Variants in DYRK1A observed in about 807,000 individuals in gnomAD.
DYRK1A encodes the protein dual specificity tyrosine-phosphorylation-regulated kinase 1A.
Under a neutral mutation model 79.7 loss-of-function variants are expected in DYRK1A, and 9 were observed. The observed-to-expected ratio is 0.11, with a 90% CI of 0.07 to 0.20. The LOEUF is 0.20. DYRK1A is among the 10% of genes least tolerant of loss of function. The pLI is 1.00. For synonymous variants in DYRK1A, 349 were observed against 329.7 expected (o/e 1.06, Z -0.63); for missense variants, 622 against 956.0 (o/e 0.65, Z 4.61).
Position 37,515,323 on chromosome 21 carries a change from A to C in DYRK1A, c.*2792A>C, listed in dbSNP as rs2053866890. 1 of 152,688 alleles carries C rather than the reference A, an allele frequency of 6.5e-6. No homozygotes were observed. Among genetic ancestry groups the C allele is most frequent in the Non-Finnish European group, 1.5e-5 (1 of 68,048 alleles). The allele number at this position is 152,688 out of a possible 1,614,324, so 9.5% of individuals were successfully genotyped here. The stretch of plus-strand genomic sequence containing the variant: ...GTGTAAAAAGGAAACTATTTGAGAT[A>C]CATTGACATAGGCATCAGCAATCTC... On this transcript the variant is annotated 3_prime_UTR_variant, in exon 12 of 12. Coordinates refer to ENST00000647188, the MANE Select transcript of DYRK1A (RefSeq NM_001347721.2).
At chr21:37,374,518 C>T (rs1171922242) in intron 1 of DYRK1A, among the ~76,000 whole-genome samples, 3 of 151,796 alleles carry the variant, frequency 2.0e-5, no homozygotes, top group African/African-American at 7.3e-5. Flanking sequence ...GCTCAGATGC[C>T]TCTCTTTCTG....
chr21:37,448,075 T>A (rs2051329501), intron 2 of DYRK1A, among the ~76,000 whole-genome samples: 1 of 152,204 alleles, frequency 6.6e-6, no homozygotes, highest in African/African-American at 2.4e-5. Context: ...ATCTGCTATA[T>A]TTTAGACCAT....
At chr21:37,392,758 C>T (rs999052555) in intron 1 of DYRK1A, among the ~76,000 whole-genome samples, 8 of 152,198 alleles carry the variant, frequency 5.3e-5, no homozygotes, top group African/African-American at 1.7e-4. Context: ...TAACAAAACA[C>T]AGGTTAGGTA....
At chr21:37,374,128 G>A (rs1164533423) in intron 1 of DYRK1A, among the ~76,000 whole-genome samples, 1 of 152,012 alleles carries the variant, frequency 6.6e-6, no homozygotes, top group Non-Finnish European at 1.5e-5. Flanking sequence ...CATGGTTCTT[G>A]ATTGCTGTGC....
rs141091099 is a variant in DYRK1A, at chr21:37,457,202, A to G, written c.11-15482A>G. On this transcript the variant is annotated intron_variant, in intron 2 of 11. Transcript: ENST00000647188. ...TGTCTCAGACTCCGGAGTAGCTGGG[A>G]CTACAAATGCATGCCACCACACCTG... Among the ~76,000 whole-genome samples, 121 of 152,024 alleles carry G rather than the reference A, an allele frequency of 8.0e-4. 1 individual carries two copies. Among genetic ancestry groups the G allele is most frequent in the Non-Finnish European group, 1.5e-3 (102 of 67,990 alleles).
rs2053602514 is a variant in DYRK1A, at chr21:37,506,439, AGTT to A, written c.1644+223_1644+225del. On this transcript the variant is annotated intron_variant, in intron 11 of 11. Coordinates refer to ENST00000647188, the MANE Select transcript of DYRK1A (RefSeq NM_001347721.2). ...GGCTAACACTTATTGGGGGCATAACAGTTGTTGTTTTGAACAGTTTTTTTCCTG... is the reference window on the plus strand; with the variant it reads ...GGCTAACACTTATTGGGGGCATAACAGTTGTTTTGAACAGTTTTTTTCCTG... 1.4e-5 allele frequency: 19 copies of A among 1,401,026 alleles called. No individual in the cohort carries two copies. The South Asian group carries it at 2.2e-4, about 16-fold the overall frequency. 86.8% of individuals were successfully genotyped at this position (1,401,026 alleles called of 1,614,324 possible).
chr21:37,459,854 C>T (rs747373873), intron 2 of DYRK1A, among the ~76,000 whole-genome samples: 3 of 152,042 alleles, frequency 2.0e-5, no homozygotes, highest in African/African-American at 4.8e-5. Flanking sequence ...AAATAAGTTT[C>T]GTTTTTTTCC....
intron 7 of DYRK1A, among the ~76,000 whole-genome samples, chr21:37,491,672 C>T (rs180834499): frequency 9.2e-5 from 14 of 152,070 alleles, no homozygotes; most frequent in African/African-American, 3.4e-4. Flanking sequence ...TAGATGCCTT[C>T]AAAAAATCAA....
chr21:37,417,265 A>G (rs2050360751), intron 1 of DYRK1A, among the ~76,000 whole-genome samples: 1 of 151,978 alleles, frequency 6.6e-6, no homozygotes, highest in Non-Finnish European at 1.5e-5. Context: ...ATCTCGGTTC[A>G]CTGCAGCCTC....
intron 6 of DYRK1A, among the ~76,000 whole-genome samples, chr21:37,489,377 A>T (rs1016164814): frequency 6.6e-6 from 1 of 152,174 alleles, no homozygotes; most frequent in Non-Finnish European, 1.5e-5. Context: ...GTTAAAGCAC[A>T]ATCTTTGAGG....
intron 9 of DYRK1A, chr21:37,501,377 C>T (rs2053445818): frequency 6.6e-6 from 1 of 151,968 alleles, no homozygotes; most frequent in South Asian, 2.1e-4. Context: ...CACCATATGA[C>T]CAGGATGGTC....
rs549806244 is a variant in DYRK1A at position 37,515,957 on chromosome 21, T to G, written c.*3426T>G. On this transcript the variant is annotated 3_prime_UTR_variant, in exon 12 of 12. Transcript: ENST00000647188. ...GTACTGCTTCCCAGCTTTTGTGGTG[T>G]TGAACTTTTCTGTTCTTCCAATAGG... 2.6e-5 allele frequency: 4 copies of G among 152,336 alleles called. No individual in the cohort carries two copies. The highest frequency in any genetic ancestry group is 1.9e-4 in the East Asian group (1 of 5,190). 9.4% of individuals were successfully genotyped at this position (152,336 alleles called of 1,614,324 possible).
intron 2 of DYRK1A, among the ~76,000 whole-genome samples, chr21:37,445,059 A>G (rs7283089): frequency 0.2 from 30,125 of 152,126 alleles, 3,220 homozygotes; most frequent in East Asian, 0.36. Flanking sequence ...TAAGTGGTGG[A>G]GCCAGAATGG....
In DYRK1A at chr21:37,380,991, G is replaced by A. The variant is rs559656938; in HGVS notation, c.-77+13363G>A. 6.6e-5 allele frequency among the ~76,000 whole-genome samples: 10 copies of A among 152,250 alleles called. No homozygotes were observed. In the South Asian group the frequency reaches 2.1e-3, roughly 32 times the overall value. On this transcript the variant is annotated intron_variant, in intron 1 of 11. Coordinates refer to ENST00000647188, the MANE Select transcript of DYRK1A (RefSeq NM_001347721.2). Reference sequence around the variant, plus strand: ...CGTTTTAAAAATCTCATGTGTCCTTGTACTCTTCCTTCATAACGCTTATTA... The same window carrying A: ...CGTTTTAAAAATCTCATGTGTCCTTATACTCTTCCTTCATAACGCTTATTA...
At chr21:37,504,129 A>G (rs764867482) in intron 9 of DYRK1A, 1 of 151,488 alleles carries the variant, frequency 6.6e-6, no homozygotes, top group African/African-American at 2.4e-5. Flanking sequence ...CTTAGATTCT[A>G]CTCCCCACTG....
chr21:37,502,613 T>A (rs1280881770), intron 9 of DYRK1A: 1 of 152,200 alleles, frequency 6.6e-6, no homozygotes, highest in Non-Finnish European at 1.5e-5. Context: ...AAAAAATAGA[T>A]TTAACACAAA....
At chr21:37,499,762 G>T (rs2053384271) in intron 9 of DYRK1A, among the ~76,000 whole-genome samples, 1 of 152,032 alleles carries the variant, frequency 6.6e-6, no homozygotes, top group Admixed American at 6.5e-5. Flanking sequence ...TATTGATTTT[G>T]TATCCTAAGA....
chr21:37,497,215 C>G (rs764478634), intron 9 of DYRK1A, among the ~76,000 whole-genome samples: 1 of 152,168 alleles, frequency 6.6e-6, no homozygotes. Flanking sequence ...CTTAATTCAC[C>G]TCCACACAGC....
intron 2 of DYRK1A, among the ~76,000 whole-genome samples, chr21:37,449,321 A>G (rs1173462048): frequency 1.3e-5 from 2 of 152,202 alleles, no homozygotes; most frequent in Non-Finnish European, 2.9e-5. Context: ...TTGCCATATA[A>G]TAGTCCAATG....
Sources: gnomAD v4.1 joint callset for allele counts (sites outside exome capture counted in the v4.1 genomes callset) on GRCh38, gnomAD v4.1.1 for gene constraint, MANE v1.5 for transcripts, NCBI Gene and HGNC (gene_info 2026-07-23, HGNC 2026-07-21) for gene names.